UNC13C: variants seen among roughly 807,000 people sequenced by gnomAD.
UNC13C encodes unc-13 homolog C, also known as protein unc-13 homolog C.
A neutral mutation model predicts 245.4 loss-of-function variants in UNC13C; 174 were observed. The observed-to-expected ratio is 0.71, with a 90% CI of 0.63 to 0.80. The LOEUF is 0.80. UNC13C is among the 30% of genes least tolerant of loss of function. The pLI is 0.00. For missense variants in UNC13C, 2,829 were observed against 2,602.9 expected, an observed-to-expected ratio of 1.09 and a Z score of -1.89; for synonymous variants, 992 against 895.1, an observed-to-expected ratio of 1.11 and a Z score of -1.93.
At chr15:53,946,537 A>G in the UNC13C span, among the ~76,000 whole-genome samples, 2 of 150,588 alleles carry the variant, frequency 1.3e-5, no homozygotes, top group African/African-American at 4.9e-5. Context: ...CCTGGCCAAT[A>G]TGGTGAAACC....
At chr15:54,491,999 A>G (rs2141083786) in intron 19 of UNC13C, among the ~76,000 whole-genome samples, 1 of 152,200 alleles carries the variant, frequency 6.6e-6, no homozygotes, top group African/African-American at 2.4e-5. Context: ...CTCAAAAAAA[A>G]AAAAACAATT....
intron 24 of UNC13C, among the ~76,000 whole-genome samples, chr15:54,516,178 CT>C (rs776168592): frequency 1.3e-5 from 2 of 152,138 alleles, no homozygotes; most frequent in Non-Finnish European, 2.9e-5. Flanking sequence ...CTAAGCAACC[CT>C]AGACCAGGAA....
chr15:54,089,922 G>A (rs16974056), intron 2 of UNC13C, among the ~76,000 whole-genome samples: 3,685 of 152,228 alleles, frequency 0.024, 146 homozygotes, highest in African/African-American at 0.081. Flanking sequence ...GACTTCCAAT[G>A]TGCTGCTTCG....
chr15:54,360,055 A>G (rs1254239224), intron 17 of UNC13C, among the ~76,000 whole-genome samples: 1 of 151,854 alleles, frequency 6.6e-6, no homozygotes, highest in Non-Finnish European at 1.5e-5. Context: ...TAATTTCTTC[A>G]TTGACCCATT....
chr15:54,156,892 A>G (rs556565550), intron 4 of UNC13C, among the ~76,000 whole-genome samples: 183 of 151,870 alleles, frequency 1.2e-3, no homozygotes, highest in Non-Finnish European at 2.1e-3. Context: ...AAGAAAAAAA[A>G]GAGCTGAGGA....
At chr15:54,609,321 A>C (rs1899949301) in intron 30 of UNC13C, 2 of 152,150 alleles carry the variant, frequency 1.3e-5, no homozygotes, top group African/African-American at 4.8e-5. Flanking sequence ...GTGCATTACC[A>C]ATTTTCCTCT....
intron 19 of UNC13C, among the ~76,000 whole-genome samples, chr15:54,467,243 T>C (rs1413267353): frequency 6.6e-6 from 1 of 151,792 alleles, no homozygotes. Context: ...TTTCAGTAAA[T>C]GATGGAGTTT....
intron 19 of UNC13C, among the ~76,000 whole-genome samples, chr15:54,447,004 C>G (rs944747592): frequency 3.3e-5 from 5 of 152,004 alleles, no homozygotes; most frequent in Non-Finnish European, 7.4e-5. Flanking sequence ...GCATGAAGGG[C>G]TGTTGAATTT....
chr15:54,309,843 C>T (rs1455927582), intron 13 of UNC13C, among the ~76,000 whole-genome samples: 1 of 151,718 alleles, frequency 6.6e-6, no homozygotes, highest in African/African-American at 2.4e-5. Flanking sequence ...CTATTCTGTT[C>T]CATTAATCTA....
intron 2 of UNC13C, among the ~76,000 whole-genome samples, chr15:54,061,880 T>G (rs1897853254): frequency 6.6e-6 from 1 of 152,172 alleles, no homozygotes; most frequent in African/African-American, 2.4e-5. Flanking sequence ...GGTATGTCAG[T>G]TAAATCAGGG....
chr15:53,889,764 G>C, the UNC13C span, among the ~76,000 whole-genome samples: 1 of 152,148 alleles, frequency 6.6e-6, no homozygotes, highest in South Asian at 2.1e-4. Context: ...TTAGCATGAA[G>C]GGTGTTGAAT....
intron 4 of UNC13C, among the ~76,000 whole-genome samples, chr15:54,196,174 C>T (rs185563328): frequency 1.3e-5 from 2 of 152,142 alleles, no homozygotes; most frequent in East Asian, 3.9e-4. Context: ...AATATAATCT[C>T]CTTAAGTATA....
chr15:53,906,253 G>A, the UNC13C span, among the ~76,000 whole-genome samples: 52 of 152,252 alleles, frequency 3.4e-4, no homozygotes, highest in African/African-American at 1.1e-3. Flanking sequence ...CTGAGCATGG[G>A]AGGTGGAGTC....
At chr15:54,518,274 G>T (rs888764430) in intron 24 of UNC13C, among the ~76,000 whole-genome samples, 2 of 152,180 alleles carry the variant, frequency 1.3e-5, no homozygotes, top group Non-Finnish European at 2.9e-5. Flanking sequence ...TGCTGAGGAG[G>T]TTGAAAGGTT....
intron 26 of UNC13C, among the ~76,000 whole-genome samples, chr15:54,540,201 C>G (rs1896181341): frequency 6.6e-6 from 1 of 151,806 alleles, no homozygotes; most frequent in South Asian, 2.1e-4. Context: ...ATAATGAGTA[C>G]AATATTTATT....
chr15:53,930,106 T>TC, the UNC13C span, among the ~76,000 whole-genome samples: 567 of 152,304 alleles, frequency 3.7e-3, 5 homozygotes, highest in African/African-American at 0.013. Context: ...AGGTGGCCTT[T>TC]CTCACATGTC....
chr15:54,555,371 C>A (rs2141197122), intron 28 of UNC13C, 61 bp from the exon 29 acceptor site: 1 of 1,384,860 alleles, frequency 7.2e-7, no homozygotes, highest in Admixed American at 1.8e-5. Context: ...ATTATGTTTT[C>A]AAGTAGTTGT....
At chr15:54,106,218 A>G (rs1425118320) in intron 2 of UNC13C, among the ~76,000 whole-genome samples, 10 of 152,330 alleles carry the variant, frequency 6.6e-5, no homozygotes, top group Middle Eastern at 3.4e-3. Context: ...TGAGTTGTAA[A>G]AACTCATGTT....
At chr15:54,435,882 GA>G (rs552921392) in intron 19 of UNC13C, among the ~76,000 whole-genome samples, 10 of 150,808 alleles carry the variant, frequency 6.6e-5, no homozygotes, top group African/African-American at 2.2e-4. Flanking sequence ...AAATGTACAA[GA>G]AAAAAAACAA....
Sources: gnomAD v4.1 joint callset for allele counts (sites outside exome capture counted in the v4.1 genomes callset) on GRCh38, gnomAD v4.1.1 for gene constraint, MANE v1.5 for transcripts, NCBI Gene and HGNC (gene_info 2026-07-23, HGNC 2026-07-21) for gene names.